The following MKLN1 variants were observed in gnomAD, a reference collection of about 807,000 sequenced individuals.
The protein encoded by MKLN1 is muskelin.
Under a neutral mutation model 99.0 loss-of-function variants are expected in MKLN1, and 18 were observed. The observed-to-expected ratio is 0.18, with a 90% CI of 0.13 to 0.27. The LOEUF is 0.27. Ranked by LOEUF, MKLN1 falls within the 10% of genes least tolerant of loss-of-function variation. The pLI is 1.00. For missense variants in MKLN1, 621 were observed against 875.9 expected, an observed-to-expected ratio of 0.71 and a Z score of 3.67; for synonymous variants, 288 against 293.2, an observed-to-expected ratio of 0.98 and a Z score of 0.18.
chr7:131,269,522 G>A (rs1264228847), intron 3 of MKLN1, among the ~76,000 whole-genome samples: 2 of 152,186 alleles, frequency 1.3e-5, no homozygotes, highest in South Asian at 2.1e-4. Flanking sequence ...CACCTTAGGG[G>A]TTAAGTTTTA....
chr7:131,198,231 C>A (rs1473077500), intron 2 of MKLN1, among the ~76,000 whole-genome samples: 1 of 152,180 alleles, frequency 6.6e-6, no homozygotes, highest in Non-Finnish European at 1.5e-5. Flanking sequence ...TGCTCTGACA[C>A]CTGTACCACA....
At chr7:131,264,252 T>C (rs1797775518) in intron 3 of MKLN1, among the ~76,000 whole-genome samples, 1 of 152,190 alleles carries the variant, frequency 6.6e-6, no homozygotes, top group African/African-American at 2.4e-5. Flanking sequence ...AAAATAGCCC[T>C]GCCCTCCACT....
chr7:131,192,274 A>G (rs1796572056), intron 2 of MKLN1, among the ~76,000 whole-genome samples: 1 of 87,988 alleles, frequency 1.1e-5, no homozygotes, highest in Non-Finnish European at 2.0e-5. Context: ...ATATAAATAT[A>G]TAAAATATAT....
chr7:131,147,217 A>ATTTTTTTTTTTTTTTTT (rs71168371), intron 2 of MKLN1, among the ~76,000 whole-genome samples: 1 of 136,334 alleles, frequency 7.3e-6, no homozygotes, highest in Admixed American at 7.6e-5. Context: ...ACACCCAGCT[A>ATTTTTTTTTTTTTTTTT]TTTTTTTTTT....
intron 2 of MKLN1, among the ~76,000 whole-genome samples, chr7:131,156,242 A>T (rs970210978): frequency 1.2e-4 from 19 of 152,044 alleles, no homozygotes; most frequent in African/African-American, 4.3e-4. Context: ...AGTGACAAGT[A>T]TTCGACCAGG....
intron 1 of MKLN1, among the ~76,000 whole-genome samples, chr7:131,352,753 T>G (rs1373670811): frequency 4.6e-5 from 7 of 152,206 alleles, no homozygotes; most frequent in African/African-American, 1.7e-4. Flanking sequence ...ATAATTCTTT[T>G]TATTATTTTC....
chr7:131,242,537 TA>T, intron 3 of MKLN1: 2 of 335,894 alleles, frequency 6.0e-6, no homozygotes, highest in Admixed American at 3.9e-5. Context: ...CCCTGTCTCT[TA>T]AAAAGAAAAA....
chr7:131,126,742 T>C (rs1477523715), intron 1 of MKLN1, among the ~76,000 whole-genome samples: 2 of 152,296 alleles, frequency 1.3e-5, no homozygotes, highest in East Asian at 3.9e-4. Flanking sequence ...TTAGTAGAGA[T>C]GGGGTTTCAC....
At chr7:131,426,655 C>T (rs952813276) in intron 8 of MKLN1, among the ~76,000 whole-genome samples, 1 of 152,006 alleles carries the variant, frequency 6.6e-6, no homozygotes, top group Non-Finnish European at 1.5e-5. Flanking sequence ...GTTATAATAT[C>T]ATTTTTATTG....
At chr7:131,379,841 G>A (rs1427301526) in intron 2 of MKLN1, among the ~76,000 whole-genome samples, 1 of 152,114 alleles carries the variant, frequency 6.6e-6, no homozygotes, top group Non-Finnish European at 1.5e-5. Flanking sequence ...CACCTACTGT[G>A]TGCCCACAAA....
chr7:131,272,421 T>C (rs1797899755), intron 3 of MKLN1, among the ~76,000 whole-genome samples: 1 of 152,196 alleles, frequency 6.6e-6, no homozygotes, highest in South Asian at 2.1e-4. Flanking sequence ...AGTAGTCCAA[T>C]ATTGCCAAAG....
intron 3 of MKLN1, among the ~76,000 whole-genome samples, chr7:131,283,328 T>TC (rs1554546577): frequency 0.054 from 987 of 18,424 alleles, 41 homozygotes; most frequent in African/African-American, 0.18. Context: ...CCTCCCTCCC[T>TC]CCTTCCCTTC....
intron 3 of MKLN1, among the ~76,000 whole-genome samples, chr7:131,231,441 C>T (rs1043851406): frequency 6.6e-6 from 1 of 152,098 alleles, no homozygotes; most frequent in Non-Finnish European, 1.5e-5. Flanking sequence ...GTCCAGGTGA[C>T]GTAAGGGCTT....
At chr7:131,374,939 CT>C (rs201782235) in intron 1 of MKLN1, among the ~76,000 whole-genome samples, 557 of 136,546 alleles carry the variant, frequency 4.1e-3, no homozygotes, top group Admixed American at 4.4e-3. Context: ...ACCCTGAAGT[CT>C]TTTTTTTTTT....
intron 6 of MKLN1, among the ~76,000 whole-genome samples, chr7:131,410,698 G>A (rs1454200453): frequency 1.3e-5 from 2 of 152,042 alleles, no homozygotes; most frequent in African/African-American, 2.4e-5. Flanking sequence ...TAAAGATTAA[G>A]AATTTCATAG....
intron 6 of MKLN1, among the ~76,000 whole-genome samples, chr7:131,408,937 A>T (rs1011414407): frequency 1.3e-5 from 2 of 152,186 alleles, no homozygotes; most frequent in African/African-American, 2.4e-5. Flanking sequence ...ACTAGTTCTT[A>T]GTGTGCTTTC....
chr7:131,177,468 C>CAA lies in MKLN1; in HGVS notation c.-296-25373_-296-25372dup, dbSNP rs11351761. On this transcript the variant is annotated intron_variant, in intron 2 of 7. Transcript: ENST00000416992. ...TGGGTGACAGAGCGAGACTCCATCT[C>CAA]AAAAAAAAAAAAAAAAAGATTGCAT... Among the ~76,000 whole-genome samples the CAA allele has an allele frequency of 1.5e-3, 161 of 106,076 alleles. 2 individuals are homozygous for CAA. The East Asian group carries it at 0.043, about 28-fold the overall frequency. The allele number at this position is 106,076 out of a possible 152,430, so 69.6% of individuals were successfully genotyped here.
chr7:131,271,096 T>C (rs1797876828), intron 3 of MKLN1, among the ~76,000 whole-genome samples: 1 of 152,140 alleles, frequency 6.6e-6, no homozygotes, highest in Non-Finnish European at 1.5e-5. Context: ...CACAGTCCAG[T>C]TGAGGAGACT....
At chr7:131,234,515 A>C (rs150121517) in intron 3 of MKLN1, among the ~76,000 whole-genome samples, 4 of 152,320 alleles carry the variant, frequency 2.6e-5, no homozygotes, top group African/African-American at 9.6e-5. Flanking sequence ...GGACTCGTGT[A>C]AACTGGCTAG....
Sources: allele counts gnomAD v4.1 joint callset (sites outside exome capture counted in the v4.1 genomes callset), GRCh38; gene constraint gnomAD v4.1.1; transcripts MANE v1.5; gene names NCBI Gene and HGNC (gene_info 2026-07-23, HGNC 2026-07-21).